NRXN1: variants seen among roughly 807,000 people sequenced by gnomAD.
The protein encoded by NRXN1 is neurexin-1.
In NRXN1, 39 loss-of-function variants were observed where a neutral mutation model predicts 150.9. That is an observed-to-expected ratio of 0.26 (90% CI 0.20 to 0.34). The LOEUF (loss-of-function observed/expected upper bound fraction) is 0.34. Among genes scored for constraint, NRXN1 ranks in the 10% least tolerant of loss-of-function variants. The probability of loss-of-function intolerance (pLI) is 1.00; values close to 1 mark genes in which losing one functional copy is unlikely to be tolerated. For missense variants in NRXN1, 1,815 were observed against 1,949.9 expected, an observed-to-expected ratio of 0.93 and a Z score of 1.30; for synonymous variants, 924 against 757.0, an observed-to-expected ratio of 1.22 and a Z score of -3.62.
chr2:50,340,944 T>C (rs904559508), intron 17 of NRXN1, among the ~76,000 whole-genome samples: 2 of 152,194 alleles, frequency 1.3e-5, no homozygotes, highest in African/African-American at 4.8e-5. Context: ...CAAGTTTGGT[T>C]GCTCTATTCT....
chr2:50,501,686 G>A (rs1318490671), intron 13 of NRXN1, among the ~76,000 whole-genome samples: 1 of 151,664 alleles, frequency 6.6e-6, no homozygotes, highest in African/African-American at 2.4e-5. Context: ...CAGACTGGAT[G>A]ATGAATTGAA....
chr2:50,812,807 AAAAAG>A (rs1479833857), intron 5 of NRXN1, among the ~76,000 whole-genome samples: 2 of 151,458 alleles, frequency 1.3e-5, no homozygotes, highest in Non-Finnish European at 2.9e-5. Flanking sequence ...AAGCAAAAAA[AAAAAG>A]AAAAGGAAAA....
At chr2:50,917,933 T>C (rs1371846386) in intron 5 of NRXN1, 3 of 151,692 alleles carry the variant, frequency 2.0e-5, no homozygotes, top group African/African-American at 7.3e-5. Flanking sequence ...TAAGAGTAAG[T>C]TTAATGAAAT....
At chr2:50,598,948 T>C (rs951090331) in intron 8 of NRXN1, among the ~76,000 whole-genome samples, 31 of 151,876 alleles carry the variant, frequency 2.0e-4, no homozygotes, top group African/African-American at 7.5e-4. Flanking sequence ...TGTTTTGTAC[T>C]TTTAGCAGAG....
At chr2:50,210,756 T>A (rs943942374) in intron 18 of NRXN1, among the ~76,000 whole-genome samples, 1 of 151,608 alleles carries the variant, frequency 6.6e-6, no homozygotes, top group East Asian at 1.9e-4. Context: ...ATAGATAATG[T>A]ACTAGTTATG....
At chr2:50,735,231 T>C (rs1444079499) in intron 5 of NRXN1, among the ~76,000 whole-genome samples, 1 of 152,138 alleles carries the variant, frequency 6.6e-6, no homozygotes, top group Non-Finnish European at 1.5e-5. Context: ...TAATTTTTTT[T>C]TAATTTCACC....
intron 17 of NRXN1, among the ~76,000 whole-genome samples, chr2:50,304,980 C>T (rs1818720): frequency 0.084 from 12,745 of 152,108 alleles, 620 homozygotes; most frequent in Middle Eastern, 0.14. Context: ...ATCCCAGCTA[C>T]TCGGGAGGCT....
intron 5 of NRXN1, among the ~76,000 whole-genome samples, chr2:50,820,260 G>C (rs1669531841): frequency 6.6e-6 from 1 of 151,954 alleles, no homozygotes; most frequent in Non-Finnish European, 1.5e-5. Flanking sequence ...CTTTCTGATA[G>C]TGTCTATCTT....
At chr2:50,295,030 G>A (rs564246123) in intron 17 of NRXN1, among the ~76,000 whole-genome samples, 1 of 152,260 alleles carries the variant, frequency 6.6e-6, no homozygotes, top group African/African-American at 2.4e-5. Context: ...TTAACTATTG[G>A]AAACACTCTG....
chr2:50,533,539 A>T (rs896468665), intron 10 of NRXN1, among the ~76,000 whole-genome samples: 1 of 152,056 alleles, frequency 6.6e-6, no homozygotes, highest in Non-Finnish European at 1.5e-5. Flanking sequence ...TCTAATTCCA[A>T]TCCACATTCT....
chr2:50,586,462 T>C (rs1435257657), intron 8 of NRXN1, among the ~76,000 whole-genome samples: 1 of 152,166 alleles, frequency 6.6e-6, no homozygotes. Flanking sequence ...ATTTTCCCTT[T>C]TGTTCCCTAT....
At chr2:50,693,958 A>C (rs1006392614) in intron 5 of NRXN1, among the ~76,000 whole-genome samples, 2 of 151,956 alleles carry the variant, frequency 1.3e-5, no homozygotes, top group Non-Finnish European at 2.9e-5. Context: ...TGGTCGGCTA[A>C]TTGTTTTTAT....
intron 5 of NRXN1, among the ~76,000 whole-genome samples, chr2:50,798,514 ATTCTC>A (rs1481112143): frequency 6.6e-6 from 1 of 152,128 alleles, no homozygotes; most frequent in East Asian, 1.9e-4. Flanking sequence ...GACCCTTAAA[ATTCTC>A]TGGTTCAGCA....
intron 21 of NRXN1, among the ~76,000 whole-genome samples, chr2:50,026,185 C>G (rs1357421860): frequency 6.6e-6 from 1 of 152,110 alleles, no homozygotes; most frequent in Non-Finnish European, 1.5e-5. Context: ...ACTCTGTCTA[C>G]AAGAGTAGAA....
At chr2:50,980,475 T>C (rs1696612127) in intron 2 of NRXN1, among the ~76,000 whole-genome samples, 2 of 152,116 alleles carry the variant, frequency 1.3e-5, no homozygotes, top group Non-Finnish European at 2.9e-5. Flanking sequence ...CCAACTAATA[T>C]AATCTTTAGA....
In NRXN1 at chr2:50,469,743, T is replaced by C. The variant is rs139629311; in HGVS notation, c.3244+2555A>G. Among the ~76,000 whole-genome samples the C allele has an allele frequency of 1.1e-4, 17 of 151,194 alleles. No individual in the cohort carries two copies. In the East Asian group the frequency reaches 3.3e-3, roughly 29 times the overall value. On this transcript the variant is annotated intron_variant, in intron 16 of 22. Transcript: ENST00000401669. ...GAAAGAATCAGGACAGAAAGTAATATTCTAAGAGTAAAGAAAAAAAGGGGT... is the reference window on the plus strand; with the variant it reads ...GAAAGAATCAGGACAGAAAGTAATACTCTAAGAGTAAAGAAAAAAAGGGGT...
chr2:50,706,314 T>C (rs1694431164), intron 5 of NRXN1, among the ~76,000 whole-genome samples: 1 of 152,202 alleles, frequency 6.6e-6, no homozygotes, highest in African/African-American at 2.4e-5. Flanking sequence ...TTGCCTGTTC[T>C]GAGTTTGAGA....
chr2:50,331,736 T>C (rs1575115412), intron 17 of NRXN1, among the ~76,000 whole-genome samples: 1 of 152,218 alleles, frequency 6.6e-6, no homozygotes, highest in Admixed American at 6.5e-5. Context: ...CTGCATCCTC[T>C]GAATAGAAAC....
chr2:51,010,942 G>A (rs892828460), intron 2 of NRXN1, among the ~76,000 whole-genome samples: 8 of 151,746 alleles, frequency 5.3e-5, no homozygotes, highest in Non-Finnish European at 1.2e-4. Context: ...CACAACATCT[G>A]GCTAATTTTT....
Sources: gnomAD v4.1 joint callset for allele counts (sites outside exome capture counted in the v4.1 genomes callset) on GRCh38, gnomAD v4.1.1 for gene constraint, MANE v1.5 for transcripts, NCBI Gene and HGNC (gene_info 2026-07-23, HGNC 2026-07-21) for gene names.